Variants in ANKRD33B observed in about 807,000 individuals in gnomAD.
The protein encoded by ANKRD33B is ankyrin repeat domain 33B.
A neutral mutation model predicts 21.5 loss-of-function variants in ANKRD33B; 6 were observed. The ratio of observed to expected loss-of-function variants is 0.28; its 90% CI spans 0.15 to 0.55. The LOEUF is 0.55. Ranked by LOEUF, ANKRD33B falls within the 20% of genes least tolerant of loss-of-function variation. ANKRD33B has a pLI of 0.94. For missense variants in ANKRD33B, 698 were observed against 747.2 expected, an observed-to-expected ratio of 0.93 and a Z score of 0.77; for synonymous variants, 347 against 342.4, an observed-to-expected ratio of 1.01 and a Z score of -0.15.
intron 1 of ANKRD33B, among the ~76,000 whole-genome samples, chr5:10,594,718 G>A (rs993960466): frequency 1.3e-5 from 2 of 152,076 alleles, no homozygotes; most frequent in Non-Finnish European, 1.5e-5. Context: ...AAGAAAATGA[G>A]GTAACAGGAA....
rs567936038 is a variant in ANKRD33B, at chr5:10,616,777, C to T, written c.367-1556C>T. 3.9e-5 allele frequency among the ~76,000 whole-genome samples: 6 copies of T among 152,308 alleles called. No individual in the cohort carries two copies. The South Asian group carries it at 8.3e-4, about 21-fold the overall frequency. On this transcript the variant is annotated intron_variant, in intron 1 of 3. Coordinates refer to ENST00000296657, the MANE Select transcript of ANKRD33B (RefSeq NM_001164440.2). Reference sequence around the variant, plus strand: ...GCGGTGAGCCTCACACCTGAGTCTACGCTGTTTTCCTTTGTTACGAGGTCT... The same window carrying T: ...GCGGTGAGCCTCACACCTGAGTCTATGCTGTTTTCCTTTGTTACGAGGTCT...
At chr5:10,572,935 C>G (rs548133773) in intron 1 of ANKRD33B, among the ~76,000 whole-genome samples, 4 of 152,302 alleles carry the variant, frequency 2.6e-5, no homozygotes, top group African/African-American at 4.8e-5. Flanking sequence ...TGATCAGATG[C>G]CTACTTCTGA....
intron 1 of ANKRD33B, among the ~76,000 whole-genome samples, chr5:10,572,582 C>T (rs1735222794): frequency 6.6e-6 from 1 of 152,224 alleles, no homozygotes; most frequent in African/African-American, 2.4e-5. Context: ...GAGTCTGAAA[C>T]TTACCATCCC....
chr5:10,581,505 C>G (rs10078608), intron 1 of ANKRD33B, among the ~76,000 whole-genome samples: 1 of 152,174 alleles, frequency 6.6e-6, no homozygotes, highest in Non-Finnish European at 1.5e-5. Context: ...TTTTGGTCTC[C>G]CCTGGATGGT....
At chr5:10,603,110 G>A (rs900818333) in intron 1 of ANKRD33B, among the ~76,000 whole-genome samples, 8 of 151,754 alleles carry the variant, frequency 5.3e-5, no homozygotes, top group South Asian at 2.1e-4. Flanking sequence ...CACCGTGCCC[G>A]GCCTGATGGT....
At position 10,653,531 on chromosome 5, in the gene ANKRD33B, T is replaced by C. The variant is rs758358133; in HGVS notation, c.*3418T>C. The C allele has an allele frequency of 6.6e-6, 1 of 152,318 alleles. No individual in the cohort carries two copies. The highest frequency in any genetic ancestry group is 1.5e-5 in the Non-Finnish European group (1 of 68,068). The allele number at this position is 152,318 out of a possible 1,614,324, so 9.4% of individuals were successfully genotyped here. ...GGGTCAGTTCATACTTAAGCAACATTATTCTGTTCGTTTCTTTTGGGTAAG... is the reference window on the plus strand; with the variant it reads ...GGGTCAGTTCATACTTAAGCAACATCATTCTGTTCGTTTCTTTTGGGTAAG... On this transcript the variant is annotated 3_prime_UTR_variant, in exon 4 of 4. Transcript: ENST00000296657.
At chr5:10,639,547 A>C (rs545391543) in intron 3 of ANKRD33B, among the ~76,000 whole-genome samples, 1 of 18,352 alleles carries the variant, frequency 5.4e-5, no homozygotes, top group Admixed American at 4.9e-4. Flanking sequence ...GGTGACGTGG[A>C]GTTGCGCGGC....
chr5:10,612,088 T>C (rs535139092), intron 1 of ANKRD33B, among the ~76,000 whole-genome samples: 2 of 152,366 alleles, frequency 1.3e-5, no homozygotes, highest in East Asian at 3.9e-4. Flanking sequence ...TTCTATGATA[T>C]GTTGAAGCAA....
At chr5:10,611,722 A>G (rs932257928) in intron 1 of ANKRD33B, among the ~76,000 whole-genome samples, 8 of 152,244 alleles carry the variant, frequency 5.3e-5, no homozygotes, top group African/African-American at 1.9e-4. Flanking sequence ...GATCTGGTTC[A>G]AGATACTAAC....
In ANKRD33B at chr5:10,650,247, C is replaced by G; in HGVS notation, c.*134C>G. On this transcript the variant is annotated 3_prime_UTR_variant, in exon 4 of 4. Transcript: ENST00000296657. ...TGGACCACGGGGCTGCGCGCATTTC[C>G]AGGCTGTTTGTCCAGGCTGCTTCCA... 9.7e-7 allele frequency: 1 copy of G among 1,026,274 alleles called. No individual in the cohort carries two copies. Among genetic ancestry groups the G allele is most frequent in the Non-Finnish European group, 1.3e-6 (1 of 773,308 alleles). 63.6% of individuals were successfully genotyped at this position (1,026,274 alleles called of 1,614,324 possible).
At chr5:10,598,871 A>C (rs1735872894) in intron 1 of ANKRD33B, among the ~76,000 whole-genome samples, 1 of 152,246 alleles carries the variant, frequency 6.6e-6, no homozygotes, top group African/African-American at 2.4e-5. Flanking sequence ...TGAGCAACAC[A>C]GAGAAATCCT....
chr5:10,626,088 C>T (rs1736539167), intron 2 of ANKRD33B, among the ~76,000 whole-genome samples: 1 of 152,242 alleles, frequency 6.6e-6, no homozygotes, highest in African/African-American at 2.4e-5. Flanking sequence ...GAGAGGCAGC[C>T]TCGGCCTAGA....
intron 2 of ANKRD33B, among the ~76,000 whole-genome samples, chr5:10,631,265 C>T (rs1736703372): frequency 6.6e-6 from 1 of 152,124 alleles, no homozygotes; most frequent in Non-Finnish European, 1.5e-5. Context: ...GTATTGCTTT[C>T]TGAGCCCCAA....
chr5:10,575,490 A>G (rs1248273725), intron 1 of ANKRD33B, among the ~76,000 whole-genome samples: 1 of 152,078 alleles, frequency 6.6e-6, no homozygotes, highest in Non-Finnish European at 1.5e-5. Context: ...ATAAGTAAAC[A>G]GGGCCTGGCA....
At chr5:10,628,947 A>G (rs1009553894) in intron 2 of ANKRD33B, among the ~76,000 whole-genome samples, 2 of 152,144 alleles carry the variant, frequency 1.3e-5, no homozygotes, top group African/African-American at 4.8e-5. Context: ...TGCAGAGGCC[A>G]CTAGATTAGA....
intron 1 of ANKRD33B, among the ~76,000 whole-genome samples, chr5:10,565,539 C>T (rs995371621): frequency 2.0e-5 from 3 of 152,228 alleles, no homozygotes; most frequent in African/African-American, 7.2e-5. Context: ...CCCAGAGCCG[C>T]GGGCATCCAC....
chr5:10,579,778 G>T (rs1259017289), intron 1 of ANKRD33B, among the ~76,000 whole-genome samples: 1 of 151,944 alleles, frequency 6.6e-6, no homozygotes, highest in African/African-American at 2.4e-5. Flanking sequence ...ATAGTAAAAG[G>T]AAGCAATTTG....
At chr5:10,635,586 C>T (rs1736838905) in intron 2 of ANKRD33B, among the ~76,000 whole-genome samples, 1 of 152,218 alleles carries the variant, frequency 6.6e-6, no homozygotes, top group Non-Finnish European at 1.5e-5. Context: ...ACATGGTTCC[C>T]CTTTTCACAT....
intron 1 of ANKRD33B, among the ~76,000 whole-genome samples, chr5:10,578,464 T>G (rs2126550351): frequency 6.6e-6 from 1 of 152,208 alleles, no homozygotes; most frequent in South Asian, 2.1e-4. Context: ...ACTGGATTCT[T>G]TTATCACACA....
Sources: gnomAD v4.1 joint callset for allele counts (sites outside exome capture counted in the v4.1 genomes callset) on GRCh38, gnomAD v4.1.1 for gene constraint, MANE v1.5 for transcripts, NCBI Gene and HGNC (gene_info 2026-07-23, HGNC 2026-07-21) for gene names.